Variants in SNX29 observed in about 807,000 individuals in gnomAD.
SNX29 encodes sorting nexin-29.
A neutral mutation model predicts 102.1 loss-of-function variants in SNX29; 78 were observed. The ratio of observed to expected loss-of-function variants is 0.76; its 90% CI spans 0.64 to 0.92. The LOEUF is 0.92. SNX29 is among the 40% of genes least tolerant of loss of function. SNX29 has a pLI of 0.00. For missense variants in SNX29, 1,280 were observed against 1,061.7 expected (o/e 1.21, Z -2.86); for synonymous variants, 580 against 414.5 (o/e 1.40, Z -4.85).
intron 11 of SNX29, among the ~76,000 whole-genome samples, chr16:12,107,950 T>C (rs559319542): frequency 6.6e-6 from 1 of 152,300 alleles, no homozygotes; most frequent in South Asian, 2.1e-4. Flanking sequence ...GAGCTTTTTT[T>C]TTTAAGGCCA....
At chr16:12,532,656 G>A (rs1051855967) in intron 20 of SNX29, among the ~76,000 whole-genome samples, 1 of 152,194 alleles carries the variant, frequency 6.6e-6, no homozygotes, top group Non-Finnish European at 1.5e-5. Flanking sequence ...CGTGGAATTG[G>A]CTGACATATG....
At chr16:12,476,427 T>A (rs1275461049) in intron 18 of SNX29, among the ~76,000 whole-genome samples, 2 of 85,454 alleles carry the variant, frequency 2.3e-5, no homozygotes, top group East Asian at 3.1e-4. Flanking sequence ...TATATATATA[T>A]ATATATATAT....
chr16:12,029,145 C>A (rs1003202528), intron 4 of SNX29, among the ~76,000 whole-genome samples: 14 of 150,128 alleles, frequency 9.3e-5, no homozygotes, highest in African/African-American at 3.4e-4. Context: ...TCTCCCGGGG[C>A]TAGGGTAAGT....
chr16:12,518,648 C>T (rs551629320), intron 19 of SNX29, among the ~76,000 whole-genome samples: 2 of 152,328 alleles, frequency 1.3e-5, no homozygotes, highest in Admixed American at 6.5e-5. Flanking sequence ...CCTGTCCCTA[C>T]CCCCTCCTGC....
At chr16:12,118,921 A>G (rs889932960) in intron 11 of SNX29, among the ~76,000 whole-genome samples, 3 of 152,148 alleles carry the variant, frequency 2.0e-5, no homozygotes, top group Non-Finnish European at 4.4e-5. Context: ...CACTTCTGAC[A>G]TTCACTGATG....
At chr16:12,117,087 G>A (rs914352621) in intron 11 of SNX29, among the ~76,000 whole-genome samples, 10 of 115,282 alleles carry the variant, frequency 8.7e-5, no homozygotes, top group East Asian at 5.6e-4. Context: ...GGAAACAGGC[G>A]TGGTCAATAC....
At chr16:12,303,877 G>A (rs1381278443) in intron 15 of SNX29, among the ~76,000 whole-genome samples, 1 of 152,140 alleles carries the variant, frequency 6.6e-6, no homozygotes, top group Non-Finnish European at 1.5e-5. Context: ...GCACCTTCTG[G>A]TTTATCACAG....
intron 14 of SNX29, among the ~76,000 whole-genome samples, chr16:12,208,149 A>T (rs2077092458): frequency 6.6e-6 from 1 of 152,186 alleles, no homozygotes; most frequent in South Asian, 2.1e-4. Context: ...GCCCGAAGTG[A>T]CCACACCACT....
rs370833239 is a variant in SNX29 at position 11,983,684 on chromosome 16, T to C, written c.7+6871T>C. On this transcript the variant is annotated intron_variant, in intron 1 of 20. Transcript: ENST00000566228. Reference sequence around the variant, plus strand: ...GACTAGGTCCTACTGATGTTGGCTATCTTGCCTCCTGGTTGCTTGACTCCA... The same window carrying C: ...GACTAGGTCCTACTGATGTTGGCTACCTTGCCTCCTGGTTGCTTGACTCCA... 7 of 985,388 alleles carry C rather than the reference T, an allele frequency of 7.1e-6. No homozygotes were observed. In the African/African-American group the frequency reaches 8.7e-5, roughly 12 times the overall value. The allele number at this position is 985,388 out of a possible 1,614,324, so 61.0% of individuals were successfully genotyped here.
At chr16:12,253,084 G>A (rs1284241847) in intron 14 of SNX29, among the ~76,000 whole-genome samples, 1 of 152,172 alleles carries the variant, frequency 6.6e-6, no homozygotes, top group Non-Finnish European at 1.5e-5. Flanking sequence ...CTAGAGGCAT[G>A]TTCAAGGGTT....
intron 19 of SNX29, among the ~76,000 whole-genome samples, chr16:12,483,115 T>TTTTG (rs1567610169): frequency 3.7e-5 from 2 of 54,768 alleles, no homozygotes; most frequent in African/African-American, 2.1e-4. Flanking sequence ...AGTTATTAAG[T>TTTTG]TTTTTTTTTT....
At chr16:12,290,004 A>G (rs1470470899) in intron 15 of SNX29, among the ~76,000 whole-genome samples, 6 of 152,150 alleles carry the variant, frequency 3.9e-5, no homozygotes, top group Non-Finnish European at 7.3e-5. Context: ...GAAACGGGAT[A>G]CAGCGGGAGT....
Position 12,324,921 on chromosome 16 carries a change from C to T in SNX29, c.1783-31242C>T, listed in dbSNP as rs565227412. On this transcript the variant is annotated intron_variant, in intron 15 of 20. Transcript: ENST00000566228. ...ATTAGAACAATGACAATAAAAACAG[C>T]GTTTCAACCGGGACGCAAGCTCTTG... Among the ~76,000 whole-genome samples the T allele has an allele frequency of 5.3e-5, 8 of 152,254 alleles. No homozygotes were observed. In the East Asian group the frequency reaches 1.4e-3, roughly 26 times the overall value.
At chr16:12,309,375 A>G (rs764244265) in intron 15 of SNX29, among the ~76,000 whole-genome samples, 1 of 152,212 alleles carries the variant, frequency 6.6e-6, no homozygotes, top group Non-Finnish European at 1.5e-5. Context: ...AAGGCAGTGC[A>G]TGGTCTCTGC....
At chr16:12,388,023 G>A (rs116237250) in intron 16 of SNX29, among the ~76,000 whole-genome samples, 56 of 152,346 alleles carry the variant, frequency 3.7e-4, no homozygotes, top group Admixed American at 1.2e-3. Context: ...TACACTCCAT[G>A]CGTGTGGTTA....
At chr16:12,537,863 T>C (rs1444930904) in intron 20 of SNX29, among the ~76,000 whole-genome samples, 1 of 151,902 alleles carries the variant, frequency 6.6e-6, no homozygotes, top group East Asian at 1.9e-4. Flanking sequence ...CTCACGCTTA[T>C]AGTCCCAGCT....
chr16:12,282,759 G>A (rs1444635240), intron 15 of SNX29, among the ~76,000 whole-genome samples: 1 of 152,148 alleles, frequency 6.6e-6, no homozygotes, highest in Non-Finnish European at 1.5e-5. Flanking sequence ...AGGTTCAAGC[G>A]ATTCTTCTGC....
At chr16:12,011,423 T>G (rs1159278347) in intron 3 of SNX29, among the ~76,000 whole-genome samples, 3 of 151,652 alleles carry the variant, frequency 2.0e-5, no homozygotes. Flanking sequence ...TTTAGGGGTG[T>G]GTCACCACAC....
intron 15 of SNX29, among the ~76,000 whole-genome samples, chr16:12,293,665 G>C (rs1335210187): frequency 6.6e-6 from 1 of 152,064 alleles, no homozygotes; most frequent in African/African-American, 2.4e-5. Flanking sequence ...CCAATAGCTT[G>C]GTAGAAAGAA....
Sources: allele counts gnomAD v4.1 joint callset (sites outside exome capture counted in the v4.1 genomes callset), GRCh38; gene constraint gnomAD v4.1.1; transcripts MANE v1.5; gene names NCBI Gene and HGNC (gene_info 2026-07-23, HGNC 2026-07-21).